Variants in FBH1 observed in about 807,000 individuals in gnomAD.
FBH1 encodes the protein F-box DNA helicase 1, also known as DNA 3'-5' helicase 1.
A neutral mutation model predicts 115.5 loss-of-function variants in FBH1; 43 were observed. That is an observed-to-expected ratio of 0.37 (90% CI 0.29 to 0.48). The LOEUF is 0.48. FBH1 is among the 20% of genes least tolerant of loss of function. FBH1 has a pLI of 0.99. For missense variants in FBH1, 1,001 were observed against 1,337.3 expected, an observed-to-expected ratio of 0.75 and a Z score of 3.92; for synonymous variants, 524 against 507.8, an observed-to-expected ratio of 1.03 and a Z score of -0.43.
At chr10:5,928,401 C>T (rs1001124429) in intron 19 of FBH1, 2 of 152,270 alleles carry the variant, frequency 1.3e-5, no homozygotes, top group Non-Finnish European at 2.9e-5. Flanking sequence ...CCTCCTGCCT[C>T]AGCCTCCCAA....
chr10:5,924,525 G>A lies in FBH1; in HGVS notation c.2596+17G>A, dbSNP rs749703267. The A allele has an allele frequency of 1.9e-6, 3 of 1,612,206 alleles. No homozygotes were observed. The highest frequency in any genetic ancestry group is 1.1e-5 in the South Asian group (1 of 91,000). On this transcript the variant is annotated intron_variant, in intron 17 of 20. Coordinates refer to ENST00000362091, the MANE Select transcript of FBH1 (RefSeq NM_178150.3). This position sits in a 1 kb window ranked among gnomAD's most constrained non-coding sequence, Gnocchi z 6.2. The stretch of plus-strand genomic sequence containing the variant: ...ACTTTGCAGGTAAGGGAAGCAGTTG[G>A]TTTTTACCTTCCCCCTAAGAGGAGG...
intron 13 of FBH1, among the ~76,000 whole-genome samples, chr10:5,919,276 A>T (rs957870823): frequency 1.3e-5 from 2 of 152,238 alleles, no homozygotes; most frequent in African/African-American, 4.8e-5. Flanking sequence ...ACTTGAGGTC[A>T]GGAGTTCAAG....
intron 19 of FBH1, 120 bp downstream of exon 19, chr10:5,927,661 C>A: frequency 1.4e-6 from 1 of 711,102 alleles, no homozygotes; most frequent in Non-Finnish European, 2.3e-6. Context: ...GGAAGAGAAA[C>A]GCTGCTTGAA....
chr10:5,923,675 C>G lies in FBH1; in HGVS notation c.2377C>G (p.Pro793Ala). 6.2e-7 allele frequency: 1 copy of G among 1,614,106 alleles called. No individual in the cohort carries two copies. The highest frequency in any genetic ancestry group is 8.5e-7 in the Non-Finnish European group (1 of 1,179,988). Residue 793 changes from proline (P) to alanine (A), a missense_variant, in exon 16 of 21, where the codon CCA becomes GCA. By Grantham distance (27) the Pro-to-Ala change is conservative. Around this residue, in one of 4 missense-constraint regions of FBH1, gnomAD observed 521 missense variants for 811.0 expected, o/e 0.64. Transcript: ENST00000362091. This position sits in a 1 kb window ranked among gnomAD's most constrained non-coding sequence, Gnocchi z 5.7. Reference protein sequence around the residue: ...RIIDIWILLQPEEERRKQNLV... With the variant: ...RIIDIWILLQAEEERRKQNLV... The stretch of plus-strand genomic sequence containing the variant: ...CATTGATATTTGGATCCTTCTTCAG[C>G]CAGAGGAAGAACGGAGGAAACGTGA...
In FBH1 at chr10:5,910,968, G is replaced by A; in HGVS notation, c.1051G>A (p.Val351Met). Reference protein sequence around the residue: ...GVNIWALVAAVVLLSSSVNDI... With the variant: ...GVNIWALVAAMVLLSSSVNDI... ...CAACATCTGGGCCCTGGTGGCGGCT[G>A]TGGTGCTCCTCTCCAGCAGTGTGAA... Residue 351 changes from valine (V) to methionine (M), a missense_variant, in exon 6 of 21, where the codon GTG (valine) becomes ATG (methionine). Around this residue, in one of 4 missense-constraint regions of FBH1, gnomAD observed 59 missense variants for 79.7 expected, o/e 0.74. Coordinates refer to ENST00000362091, the MANE Select transcript of FBH1 (RefSeq NM_178150.3). The surrounding 1 kb of genome is among the most constrained non-coding windows in gnomAD (Gnocchi z 4.8). 1.2e-6 allele frequency: 2 copies of A among 1,611,708 alleles called. No individual in the cohort carries two copies. The highest frequency in any genetic ancestry group is 1.7e-6 in the Non-Finnish European group (2 of 1,179,936).
At chr10:5,934,804 C>T (rs994883077) in intron 19 of FBH1, 1 of 152,204 alleles carries the variant, frequency 6.6e-6, no homozygotes, top group Non-Finnish European at 1.5e-5. Context: ...ACCTCAGCCT[C>T]CCGAGTAGCT....
chr10:5,904,389 A>C (rs1362157785), intron 2 of FBH1, among the ~76,000 whole-genome samples: 1 of 152,172 alleles, frequency 6.6e-6, no homozygotes, highest in East Asian at 1.9e-4. Context: ...AACCAACTGT[A>C]TGAGGCAGTT....
In FBH1 at chr10:5,900,323, T is replaced by C. The variant is rs180714686; in HGVS notation, c.2-2697T>C. On this transcript the variant is annotated intron_variant, in intron 1 of 20. Transcript: ENST00000362091. The surrounding 1 kb of genome is among the most constrained non-coding windows in gnomAD (Gnocchi z 4.2). ...CCTGATGACACTTATCAGACTTAGA[T>C]GAGATTGGGCGCGTTCAGGGTGGTA... Among the ~76,000 whole-genome samples, 899 of 152,080 alleles carry C rather than the reference T, an allele frequency of 5.9e-3. 8 individuals carry two copies. The highest frequency in any genetic ancestry group is 0.02 in the African/African-American group (832 of 41,548).
rs1044507570 is a variant in FBH1 at position 5,921,672 on chromosome 10, A to G, written c.2322+103A>G. 4 of 1,500,828 alleles carry G rather than the reference A, an allele frequency of 2.7e-6. No individual in the cohort carries two copies. The highest frequency in any genetic ancestry group is 3.6e-6 in the Non-Finnish European group (4 of 1,122,852). The allele number at this position is 1,500,828 out of a possible 1,614,324, so 93.0% of individuals were successfully genotyped here. A position where few individuals can be genotyped will look rare whatever the true frequency, so the allele number is the denominator to read the frequency against. On this transcript the variant is annotated intron_variant, in intron 15 of 20. Coordinates refer to ENST00000362091, the MANE Select transcript of FBH1 (RefSeq NM_178150.3). This position sits in a 1 kb window ranked among gnomAD's most constrained non-coding sequence, Gnocchi z 6.4. ...CCTTGGGATTATCATGCAAGAAAGCATTTGGGTTTTTGACTCTTTCCACCA... is the reference window on the plus strand; with the variant it reads ...CCTTGGGATTATCATGCAAGAAAGCGTTTGGGTTTTTGACTCTTTCCACCA...
Position 5,916,217 on chromosome 10 carries a change from TGGGATG to T in FBH1, c.1566-14_1566-9del, listed in dbSNP as rs1831928054. The T allele has an allele frequency of 1.2e-6, 2 of 1,610,822 alleles. No individual in the cohort carries two copies. ...CCAGGAGAGCCACGTGCTGTTCATT[TGGGATG>T]GGTATTGCAGGTACCAGTCAAAGAA... On this transcript the variant is annotated splice_polypyrimidine_tract_variant and intron_variant, in intron 9 of 20. Coordinates refer to ENST00000362091, the MANE Select transcript of FBH1 (RefSeq NM_178150.3).
At chr10:5,896,320 A>G (rs1021782390) in intron 1 of FBH1, among the ~76,000 whole-genome samples, 2 of 151,940 alleles carry the variant, frequency 1.3e-5, no homozygotes, top group Non-Finnish European at 2.9e-5. Context: ...GGAGGGCTAA[A>G]CTCCAGATCT....
Position 5,918,427 on chromosome 10 carries a change from G to T in FBH1, c.2049G>T (p.Ala683=). 1 of 1,612,070 alleles carries T rather than the reference G, an allele frequency of 6.2e-7. No homozygotes were observed. Among genetic ancestry groups the T allele is most frequent in the Non-Finnish European group, 8.5e-7 (1 of 1,179,484 alleles). The change falls in exon 13 of 21, where the codon GCG becomes GCT. Residue 683 remains alanine (A), a synonymous_variant. Transcript: ENST00000362091. This position sits in a 1 kb window ranked among gnomAD's most constrained non-coding sequence, Gnocchi z 4.0. ...AGCAGATCTATACCTTCCGGGGTGC[G>T]GTCAACGCCCTGTTCACAGTGCCCC... The part of the protein sequence containing the change: ...PHQQIYTFRG[A]VNALFTVPHT...
rs1426057109 is a variant in FBH1, at chr10:5,931,423, G to A, written c.2829+3882G>A. The stretch of plus-strand genomic sequence containing the variant: ...TGTCAGAGGCTTTGGCCCTTCACAC[G>A]TTCAGCCATCATAAATTGTGTTCCA... On this transcript the variant is annotated intron_variant, in intron 19 of 20. Transcript: ENST00000362091. This position sits in a 1 kb window ranked among gnomAD's most constrained non-coding sequence, Gnocchi z 4.3. 2.0e-5 allele frequency among the ~76,000 whole-genome samples: 3 copies of A among 152,104 alleles called. No homozygotes were observed. The highest frequency in any genetic ancestry group is 1.3e-4 in the Admixed American group (2 of 15,256).
At chr10:5,892,675 C>T (rs1285613293) in intron 1 of FBH1, among the ~76,000 whole-genome samples, 3 of 152,244 alleles carry the variant, frequency 2.0e-5, no homozygotes, top group Non-Finnish European at 2.9e-5. Flanking sequence ...CAGCCTCCCT[C>T]TCACTCCGGG....
At position 5,911,120 on chromosome 10, in the gene FBH1, C is replaced by T. The variant is rs148169969; in HGVS notation, c.1203C>T (p.Ile401=). The T allele has an allele frequency of 1.2e-6, 2 of 1,611,882 alleles. No individual in the cohort carries two copies. The highest frequency in any genetic ancestry group is 2.2e-5 in the South Asian group (2 of 90,968). The change falls in exon 6 of 21, where the codon ATC becomes ATT. Residue 401 remains isoleucine, a synonymous_variant. Coordinates refer to ENST00000362091, the MANE Select transcript of FBH1 (RefSeq NM_178150.3). This position sits in a 1 kb window ranked among gnomAD's most constrained non-coding sequence, Gnocchi z 5.4. ...LYAMREKGIN[I]SNRIHYNIFY... Reference sequence around the variant, plus strand: ...CCATGAGGGAGAAGGGGATTAACATCAGCAATAGGTAATGCCCCGGGAGGA... The same window carrying T: ...CCATGAGGGAGAAGGGGATTAACATTAGCAATAGGTAATGCCCCGGGAGGA...
Position 5,937,517 on chromosome 10 carries a change from T to TAAA in FBH1, c.*252_*254dup. On this transcript the variant is annotated 3_prime_UTR_variant, in exon 21 of 21. Transcript: ENST00000362091. ...AGGGAAGTGGGGGATGTTCTTTTGA[T>TAAA]AAAAAAAAAAAAAAAAATTTATGTA... 1 of 275,836 alleles carries TAAA rather than the reference T, an allele frequency of 3.6e-6. No homozygotes were observed. 17.1% of individuals were successfully genotyped at this position (275,836 alleles called of 1,614,324 possible).
Position 5,910,853 on chromosome 10 carries a change from C to A in FBH1, c.1021-85C>A, listed in dbSNP as rs745451818. The A allele has an allele frequency of 8.1e-7, 1 of 1,234,710 alleles. No individual in the cohort carries two copies. 76.5% of individuals were successfully genotyped at this position (1,234,710 alleles called of 1,614,324 possible). ...GTAGCCAGCAGCTGGACCCGTGGCT[C>A]GGCTTTCCTGACTCCTTCCTGCTGT... On this transcript the variant is annotated intron_variant, in intron 5 of 20. Transcript: ENST00000362091. The surrounding 1 kb of genome is among the most constrained non-coding windows in gnomAD (Gnocchi z 4.8).
At chr10:5,930,674 G>T (rs938275276) in intron 19 of FBH1, among the ~76,000 whole-genome samples, 9 of 152,226 alleles carry the variant, frequency 5.9e-5, no homozygotes, top group African/African-American at 2.2e-4. Context: ...AAGAGGCACA[G>T]CTAGGAAATG....
rs186339933 is a variant in FBH1, at chr10:5,932,841, C to T, written c.2830-3615C>T. ...CAAGCCATCCTCCCACCTCAGCCTC[C>T]CGAGCAGCTGGGACTACAGGTGTGT... On this transcript the variant is annotated intron_variant, in intron 19 of 20. Coordinates refer to ENST00000362091, the MANE Select transcript of FBH1 (RefSeq NM_178150.3). This position sits in a 1 kb window ranked among gnomAD's most constrained non-coding sequence, Gnocchi z 5.9. 6.6e-6 allele frequency among the ~76,000 whole-genome samples: 1 copy of T among 152,256 alleles called. No homozygotes were observed. Among genetic ancestry groups the T allele is most frequent in the East Asian group, 1.9e-4 (1 of 5,152 alleles).
Sources: allele counts gnomAD v4.1 joint callset (sites outside exome capture counted in the v4.1 genomes callset), GRCh38; gene constraint gnomAD v4.1.1; regional missense constraint gnomAD v4.1.1; non-coding constraint Gnocchi (gnomAD v3.1); transcripts MANE v1.5; gene names NCBI Gene and HGNC (gene_info 2026-07-23, HGNC 2026-07-21).